The following PRR5L variants were observed in gnomAD, a reference collection of about 807,000 sequenced individuals.
The protein encoded by PRR5L is proline-rich protein 5-like.
PRR5L carries 21 observed loss-of-function variants against 36.4 expected under a neutral mutation model. The observed-to-expected ratio is 0.58, with a 90% confidence interval of 0.41 to 0.83. The LOEUF (loss-of-function observed/expected upper bound fraction) is 0.83, where lower values mean the gene tolerates loss of function less well. PRR5L is among the 40% of genes least tolerant of loss of function. PRR5L has a pLI of 0.00. For synonymous variants in PRR5L, 188 were observed against 197.0 expected, an observed-to-expected ratio of 0.95 and a Z score of 0.38; for missense variants, 381 against 473.3, an observed-to-expected ratio of 0.80 and a Z score of 1.81.
intron 1 of PRR5L, among the ~76,000 whole-genome samples, chr11:36,374,218 C>T (rs1361090752): frequency 6.6e-6 from 1 of 151,962 alleles, no homozygotes; most frequent in African/African-American, 2.4e-5. Flanking sequence ...CCTCAGTCTC[C>T]AGAGTACTTG....
chr11:36,309,895 C>A (rs565471166), intron 1 of PRR5L, among the ~76,000 whole-genome samples: 1 of 62,380 alleles, frequency 1.6e-5, no homozygotes. Flanking sequence ...GTACATCACC[C>A]ATGATTATCC....
chr11:36,387,017 G>A (rs72950090), intron 1 of PRR5L, among the ~76,000 whole-genome samples: 6,494 of 152,254 alleles, frequency 0.043, 163 homozygotes, highest in East Asian at 0.1. Flanking sequence ...AGGGGCAGGC[G>A]TGGGGTCCAG....
intron 2 of PRR5L, 52 bp downstream of exon 2, chr11:36,401,337 G>A: frequency 1.9e-6 from 3 of 1,559,020 alleles, no homozygotes; most frequent in Non-Finnish European, 2.6e-6. Context: ...GCCATGGCAG[G>A]GAGGGAGGCA....
intron 1 of PRR5L, among the ~76,000 whole-genome samples, chr11:36,375,719 AAAT>A (rs1372854289): frequency 6.6e-6 from 1 of 152,228 alleles, no homozygotes; most frequent in Non-Finnish European, 1.5e-5. Context: ...ACAGTTTTCA[AAAT>A]AATTATGCAT....
At chr11:36,461,449 C>T (rs370412954) in intron 8 of PRR5L, among the ~76,000 whole-genome samples, 3 of 151,998 alleles carry the variant, frequency 2.0e-5, no homozygotes, top group African/African-American at 7.2e-5. Context: ...ATGGTGAAAC[C>T]CCGTCTCTAG....
chr11:36,316,247 CTT>C lies in PRR5L; in HGVS notation c.-126+19811_-126+19812del, dbSNP rs564678710. 6.0e-4 allele frequency among the ~76,000 whole-genome samples: 92 copies of C among 152,324 alleles called. 1 individual carries two copies. In the South Asian group the frequency reaches 0.018, roughly 29 times the overall value. ...CGGGTCTGGCTGTGTTCCAATAAAA[CTT>C]TATAGAAACAGGTGATCTGCTGGAC... On this transcript the variant is annotated intron_variant, in intron 1 of 8. Transcript: ENST00000530639.
At chr11:36,310,967 G>A (rs1246288132) in intron 1 of PRR5L, among the ~76,000 whole-genome samples, 1 of 129,902 alleles carries the variant, frequency 7.7e-6, no homozygotes, top group African/African-American at 3.0e-5. Context: ...ACTGCACTCT[G>A]CCTGGTGACA....
chr11:36,407,078 C>T (rs376407340), intron 3 of PRR5L, among the ~76,000 whole-genome samples: 8 of 152,240 alleles, frequency 5.3e-5, no homozygotes, highest in African/African-American at 1.9e-4. Flanking sequence ...TAAATATTAG[C>T]CATATGATTC....
At chr11:36,319,979 C>T (rs914428347) in intron 1 of PRR5L, among the ~76,000 whole-genome samples, 1 of 152,114 alleles carries the variant, frequency 6.6e-6, no homozygotes, top group South Asian at 2.1e-4. Context: ...AATTAGGGGA[C>T]TCTATTAAGA....
intron 1 of PRR5L, among the ~76,000 whole-genome samples, chr11:36,390,869 G>T (rs111263464): frequency 3.3e-5 from 5 of 152,198 alleles, no homozygotes; most frequent in African/African-American, 1.2e-4. Context: ...TGATCATCAA[G>T]GTTGTCATTA....
chr11:36,382,069 A>G (rs1230464003), intron 1 of PRR5L, among the ~76,000 whole-genome samples: 1 of 152,112 alleles, frequency 6.6e-6, no homozygotes, highest in East Asian at 1.9e-4. Context: ...GAGGCAGGAG[A>G]ATTGCTTGAA....
intron 1 of PRR5L, among the ~76,000 whole-genome samples, chr11:36,313,023 G>A (rs1856519820): frequency 6.6e-6 from 1 of 152,250 alleles, no homozygotes; most frequent in African/African-American, 2.4e-5. Context: ...GATTCCAGAG[G>A]CAATGCCAGA....
chr11:36,303,559 C>T (rs915219118), intron 1 of PRR5L, among the ~76,000 whole-genome samples: 1 of 152,182 alleles, frequency 6.6e-6, no homozygotes, highest in African/African-American at 2.4e-5. Flanking sequence ...TTTTAATCTG[C>T]ACCTGTTATA....
chr11:36,436,742 C>T (rs1291930876), intron 5 of PRR5L, among the ~76,000 whole-genome samples: 1 of 152,190 alleles, frequency 6.6e-6, no homozygotes, highest in Non-Finnish European at 1.5e-5. Context: ...GTTCTGGAAT[C>T]ACAGCTCTGC....
chr11:36,347,086 T>C (rs946342980), intron 1 of PRR5L, among the ~76,000 whole-genome samples: 2 of 152,246 alleles, frequency 1.3e-5, no homozygotes, highest in Non-Finnish European at 2.9e-5. Context: ...ATCGTGTATG[T>C]GTTTTATAAG....
chr11:36,319,583 G>C (rs1856592564), intron 1 of PRR5L, among the ~76,000 whole-genome samples: 1 of 152,104 alleles, frequency 6.6e-6, no homozygotes, highest in Non-Finnish European at 1.5e-5. Flanking sequence ...GCTTAGCTGT[G>C]TTCCAGTAAA....
intron 1 of PRR5L, among the ~76,000 whole-genome samples, chr11:36,331,078 T>G (rs564428779): frequency 1.3e-5 from 2 of 152,210 alleles, no homozygotes; most frequent in Non-Finnish European, 2.9e-5. Flanking sequence ...AGTGCTGGGA[T>G]TACAGGCATG....
chr11:36,401,136 C>G lies in PRR5L; in HGVS notation c.15C>G (p.Phe5Leu). Residue 5 changes from phenylalanine to leucine, a missense_variant, in exon 2 of 9, where the codon TTC becomes TTG. Transcript: ENST00000530639. ...CACCAGGACTTATGACCCGCGGCTT[C>G]GCTCCCATTCTGCCCGTCGAGTTCC... The part of the protein sequence containing the change: MTRG[F>L]APILPVEFHK... 6.2e-7 allele frequency: 1 copy of G among 1,614,188 alleles called. No homozygotes were observed. Among genetic ancestry groups the G allele is most frequent in the Non-Finnish European group, 8.5e-7 (1 of 1,180,028 alleles).
chr11:36,354,908 A>T (rs1590476297), intron 1 of PRR5L, among the ~76,000 whole-genome samples: 1 of 152,360 alleles, frequency 6.6e-6, no homozygotes, highest in Non-Finnish European at 1.5e-5. Flanking sequence ...GCTAGAGCTC[A>T]GCATCAATTT....
Sources: gnomAD v4.1 joint callset for allele counts (sites outside exome capture counted in the v4.1 genomes callset) on GRCh38, gnomAD v4.1.1 for gene constraint, MANE v1.5 for transcripts, NCBI Gene and HGNC (gene_info 2026-07-23, HGNC 2026-07-21) for gene names.